Variants in CD82 observed in about 807,000 individuals in gnomAD.
CD82 encodes CD82 molecule.
A neutral mutation model predicts 37.4 loss-of-function variants in CD82; 36 were observed. The observed-to-expected ratio is 0.96, with a 90% CI of 0.74 to 1.27. CD82 has a LOEUF of 1.27. Ranked by LOEUF, CD82 falls within the 50% of genes most tolerant of loss-of-function variation. CD82 has a pLI of 0.00. For synonymous variants in CD82, 158 were observed against 137.4 expected (o/e 1.15, Z -1.05); for missense variants, 340 against 347.0 (o/e 0.98, Z 0.16).
At chr11:44,605,506 A>G in intron 6 of CD82, 77 bp downstream of exon 6, 1 of 1,346,984 alleles carries the variant, frequency 7.4e-7, no homozygotes, top group East Asian at 2.3e-5. Context: ...GGGGATGGAC[A>G]AGGAACCCCC....
intron 9 of CD82, 145 bp from the exon 10 acceptor site, chr11:44,618,904 C>A: frequency 3.6e-6 from 3 of 843,808 alleles, no homozygotes; most frequent in Non-Finnish European, 3.9e-6. Context: ...CCGCTCTGGG[C>A]CTCCCTCTGC....
chr11:44,570,658 T>C (rs1852801286), intron 1 of CD82, among the ~76,000 whole-genome samples: 1 of 152,206 alleles, frequency 6.6e-6, no homozygotes, highest in African/African-American at 2.4e-5. Context: ...GAGATGGGAA[T>C]GCACCGTCTG....
chr11:44,619,018 C>T (rs1326262975), intron 9 of CD82, 31 bp from the exon 10 acceptor site: 5 of 1,597,282 alleles, frequency 3.1e-6, no homozygotes, highest in Non-Finnish European at 1.7e-6. Context: ...GGACACCCAG[C>T]CTCCCTCTGA....
At chr11:44,586,940 C>T (rs935216603) in intron 1 of CD82, among the ~76,000 whole-genome samples, 6 of 152,150 alleles carry the variant, frequency 3.9e-5, no homozygotes, top group Admixed American at 6.5e-5. Context: ...ATTCTAGTGG[C>T]GGATGCAGAT....
At chr11:44,604,155 G>A (rs1853354311) in intron 4 of CD82, among the ~76,000 whole-genome samples, 1 of 152,130 alleles carries the variant, frequency 6.6e-6, no homozygotes, top group African/African-American at 2.4e-5. Context: ...CAGAAAACCT[G>A]TATTGTGTAC....
At chr11:44,594,758 C>T (rs369634530) in intron 3 of CD82, 33 bp downstream of exon 3, 90 of 1,559,406 alleles carry the variant, frequency 5.8e-5, no homozygotes, top group Admixed American at 1.5e-4. Context: ...TGACCACCTC[C>T]GAAAAGATTC....
chr11:44,603,663 C>G (rs1853345525), intron 4 of CD82, among the ~76,000 whole-genome samples: 1 of 152,200 alleles, frequency 6.6e-6, no homozygotes, highest in Admixed American at 6.5e-5. Context: ...GTCCCATGCC[C>G]TGGGGGTACA....
intron 1 of CD82, among the ~76,000 whole-genome samples, chr11:44,569,548 C>T (rs141224670): frequency 7.2e-5 from 11 of 152,200 alleles, no homozygotes; most frequent in African/African-American, 1.7e-4. Flanking sequence ...CCTTGGCTCT[C>T]GGGGAGTTCT....
At chr11:44,588,197 T>C (rs1274717303) in intron 2 of CD82, among the ~76,000 whole-genome samples, 3 of 117,046 alleles carry the variant, frequency 2.6e-5, no homozygotes, top group Non-Finnish European at 5.1e-5. Context: ...ATCTGCAAAG[T>C]AGGATTTTGG....
intron 3 of CD82, among the ~76,000 whole-genome samples, chr11:44,595,581 T>C (rs1002669662): frequency 3.3e-5 from 5 of 152,056 alleles, no homozygotes; most frequent in African/African-American, 1.2e-4. Context: ...AAAAAGTGAG[T>C]ATTTTTGAGA....
chr11:44,593,693 T>C (rs147046036), intron 2 of CD82, among the ~76,000 whole-genome samples: 236 of 152,312 alleles, frequency 1.5e-3, no homozygotes, highest in African/African-American at 5.5e-3. Flanking sequence ...TAAATGCTTT[T>C]ATGGGATGGC....
intron 7 of CD82, among the ~76,000 whole-genome samples, chr11:44,617,177 G>C (rs1853576430): frequency 1.3e-5 from 2 of 152,094 alleles, no homozygotes; most frequent in Admixed American, 1.3e-4. Flanking sequence ...AGCATTGCGG[G>C]GATTCACACA....
intron 1 of CD82, chr11:44,584,998 C>G (rs998458908): frequency 2.9e-6 from 1 of 345,878 alleles, no homozygotes; most frequent in Non-Finnish European, 5.8e-6. Context: ...CTGGGCAGAC[C>G]GAGCTCCCAC....
intron 1 of CD82, among the ~76,000 whole-genome samples, chr11:44,578,693 A>C (rs1852935395): frequency 1.3e-5 from 2 of 152,172 alleles, no homozygotes; most frequent in African/African-American, 2.4e-5. Flanking sequence ...TCTTGGCTAA[A>C]TCCATCAGCA....
intron 4 of CD82, among the ~76,000 whole-genome samples, chr11:44,603,592 C>T (rs578125405): frequency 3.4e-4 from 52 of 152,142 alleles, no homozygotes; most frequent in African/African-American, 1.2e-3. Flanking sequence ...CTAAGAGGCT[C>T]CTCTGATCCA....
chr11:44,615,507 C>G (rs1467305611), intron 7 of CD82, 134 bp downstream of exon 7: 1 of 650,106 alleles, frequency 1.5e-6, no homozygotes, highest in East Asian at 2.8e-5. Context: ...GAGTGTGCTT[C>G]TATGGGGGCA....
chr11:44,605,003 G>C lies in CD82; in HGVS notation c.137-55G>C. On this transcript the variant is annotated intron_variant, in intron 4 of 9. Coordinates refer to ENST00000227155, the MANE Select transcript of CD82 (RefSeq NM_002231.4). The stretch of plus-strand genomic sequence containing the variant: ...TCCGGAAGAAGACCTGGACGGTTAG[G>C]CCAGGTGTTTATACCTGCTGTGCCC... 4 of 1,612,450 alleles carry C rather than the reference G, an allele frequency of 2.5e-6. No individual in the cohort carries two copies. The South Asian group carries it at 4.4e-5, about 18-fold the overall frequency.
chr11:44,571,019 C>G (rs917318637), intron 1 of CD82, among the ~76,000 whole-genome samples: 1 of 152,152 alleles, frequency 6.6e-6, no homozygotes, highest in Non-Finnish European at 1.5e-5. Context: ...GCCTCTTCTC[C>G]GCCGCCCCAC....
chr11:44,577,467 G>T (rs1852913796), intron 1 of CD82, among the ~76,000 whole-genome samples: 1 of 152,102 alleles, frequency 6.6e-6, no homozygotes, highest in African/African-American at 2.4e-5. Context: ...GGCTGACCGG[G>T]TTGGTTAACT....
Sources: allele counts gnomAD v4.1 joint callset (sites outside exome capture counted in the v4.1 genomes callset), GRCh38; gene constraint gnomAD v4.1.1; transcripts MANE v1.5; gene names NCBI Gene and HGNC (gene_info 2026-07-23, HGNC 2026-07-21).